MED13: variants seen among roughly 807,000 people sequenced by gnomAD.
The protein encoded by MED13 is mediator complex subunit 13.
A neutral mutation model predicts 225.2 loss-of-function variants in MED13; 23 were observed. The observed-to-expected ratio is 0.10, with a 90% CI of 0.07 to 0.14. The LOEUF (loss-of-function observed/expected upper bound fraction) is 0.14. MED13 is among the 10% of genes least tolerant of loss of function. The probability of loss-of-function intolerance (pLI) is 1.00; values close to 1 mark genes in which losing one functional copy is unlikely to be tolerated. For missense variants in MED13, 2,197 were observed against 2,594.5 expected (o/e 0.85, Z 3.33); for synonymous variants, 942 against 889.2 (o/e 1.06, Z -1.06).
rs749776983 is a variant in MED13 at position 61,995,202 on chromosome 17, C to T, written c.2131G>A (p.Asp711Asn). 1 of 1,613,396 alleles carries T rather than the reference C, an allele frequency of 6.2e-7. No individual in the cohort carries two copies. The highest frequency in any genetic ancestry group is 1.7e-5 in the Admixed American group (1 of 59,960). The change falls in exon 10 of 30, where the codon GAT (aspartate) becomes AAT (asparagine). Residue 711 changes from aspartate to asparagine, a missense_variant. Asp to Asn is a conservative substitution (Grantham distance 23). This residue lies in a region of MED13 where 884 missense variants were observed against 918.5 expected (regional missense o/e 0.96). Transcript: ENST00000397786. The stretch of plus-strand genomic sequence containing the variant: ...TCACTATTTTGTCTATCTTTTTTAT[C>T]AGGAAAAAGGAATTCCTCATCTCCT... ...VEGDEEFLFP[D>N]KKDRQNSERE...
intron 12 of MED13, among the ~76,000 whole-genome samples, chr17:61,986,538 T>A (rs984666509): frequency 3.9e-5 from 6 of 152,212 alleles, no homozygotes; most frequent in African/African-American, 1.4e-4. Context: ...TTTATTGTTA[T>A]ATCATGTATC....
intron 3 of MED13, among the ~76,000 whole-genome samples, chr17:62,038,938 G>C (rs1241871731): frequency 6.6e-6 from 1 of 152,068 alleles, no homozygotes; most frequent in East Asian, 1.9e-4. Flanking sequence ...GCCTCCCAAA[G>C]TGCTGAGATT....
chr17:62,016,666 A>C (rs985561923), intron 8 of MED13, among the ~76,000 whole-genome samples: 2 of 152,358 alleles, frequency 1.3e-5, no homozygotes, highest in East Asian at 3.9e-4. Context: ...CTAATGTTTC[A>C]TCACAATTAC....
chr17:61,946,447 C>G lies in MED13; in HGVS notation c.*21G>C. The G allele has an allele frequency of 6.2e-7, 1 of 1,609,452 alleles. No individual in the cohort carries two copies. On this transcript the variant is annotated 3_prime_UTR_variant, in exon 30 of 30. Transcript: ENST00000397786. ...TCCATTTTTCCTTGTTCTTTTCTTG[C>G]ACAGTTCCATCAAATGAAGATCACA...
At chr17:61,990,617 G>A (rs2080288304) in intron 11 of MED13, among the ~76,000 whole-genome samples, 1 of 118,044 alleles carries the variant, frequency 8.5e-6, no homozygotes, top group Admixed American at 9.0e-5. Context: ...ACACACACTT[G>A]GCGCACTGTG....
At chr17:61,990,894 G>C (rs758863797) in intron 11 of MED13, among the ~76,000 whole-genome samples, 13 of 152,004 alleles carry the variant, frequency 8.6e-5, no homozygotes, top group Non-Finnish European at 1.8e-4. Context: ...TGTTGAATTA[G>C]TGGCCTCAGA....
At chr17:61,994,714 C>CT (rs1383303901) in intron 10 of MED13, among the ~76,000 whole-genome samples, 3 of 152,132 alleles carry the variant, frequency 2.0e-5, no homozygotes, top group Admixed American at 6.6e-5. Context: ...ATACATTTTT[C>CT]TTTTTTTCTT....
At chr17:62,044,868 G>C (rs1287613246) in intron 3 of MED13, among the ~76,000 whole-genome samples, 2 of 152,164 alleles carry the variant, frequency 1.3e-5, no homozygotes, top group East Asian at 3.9e-4. Context: ...CACCATGTTG[G>C]CCAGGCTAGT....
chr17:61,959,789 T>C (rs7218545), intron 23 of MED13, among the ~76,000 whole-genome samples: 53,996 of 148,378 alleles, frequency 0.36, 11,898 homozygotes, highest in East Asian at 0.72. Context: ...AGTGCAGTGG[T>C]GCAATCTCAG....
At chr17:62,061,546 C>G (rs1173428579) in intron 2 of MED13, among the ~76,000 whole-genome samples, 3 of 152,064 alleles carry the variant, frequency 2.0e-5, no homozygotes, top group Non-Finnish European at 4.4e-5. Flanking sequence ...TATGTTTTAT[C>G]AACAAATATA....
chr17:61,956,487 G>A lies in MED13; in HGVS notation c.5481-6C>T, dbSNP rs2079945766. ...AACTTTTTTTCCGACGAGCCCTATT[G>A]TGTGAATAAAGAGAGTGTCATAAAT... On this transcript the variant is annotated splice_region_variant and splice_polypyrimidine_tract_variant and intron_variant, in intron 23 of 29. Coordinates refer to ENST00000397786, the MANE Select transcript of MED13 (RefSeq NM_005121.3). 2 of 1,599,264 alleles carry A rather than the reference G, an allele frequency of 1.3e-6. No individual in the cohort carries two copies. The highest frequency in any genetic ancestry group is 1.1e-5 in the South Asian group (1 of 87,610).
intron 9 of MED13, among the ~76,000 whole-genome samples, chr17:62,007,752 G>A (rs1201748394): frequency 6.6e-6 from 1 of 152,014 alleles, no homozygotes; most frequent in Non-Finnish European, 1.5e-5. Context: ...GGAGGCTGAG[G>A]CAGGAAAATG....
At chr17:62,002,437 C>T (rs1273142078) in intron 9 of MED13, among the ~76,000 whole-genome samples, 3 of 140,288 alleles carry the variant, frequency 2.1e-5, no homozygotes, top group Non-Finnish European at 3.0e-5. Flanking sequence ...TGCAGTGAGC[C>T]GAGATTGCGC....
intron 9 of MED13, among the ~76,000 whole-genome samples, chr17:62,001,775 A>T (rs561070781): frequency 6.6e-6 from 1 of 152,198 alleles, no homozygotes; most frequent in Non-Finnish European, 1.5e-5. Flanking sequence ...TTAGACTACA[A>T]TTTCATTTAT....
In MED13 at chr17:62,020,037, C is replaced by T. The variant is rs867234613; in HGVS notation, c.1284-8804G>A. 3.3e-5 allele frequency among the ~76,000 whole-genome samples: 5 copies of T among 152,122 alleles called. No individual in the cohort carries two copies. The East Asian group carries it at 9.6e-4, about 29-fold the overall frequency. On this transcript the variant is annotated intron_variant, in intron 8 of 29. Coordinates refer to ENST00000397786, the MANE Select transcript of MED13 (RefSeq NM_005121.3). ...GGGATTACAGGTGTGAACCACTGCG[C>T]AAGGCCAAACAACTGAACTTCATGC...
intron 17 of MED13, among the ~76,000 whole-genome samples, chr17:61,970,626 G>C (rs1266481432): frequency 7.3e-6 from 1 of 136,512 alleles, no homozygotes; most frequent in Non-Finnish European, 1.5e-5. Flanking sequence ...AGGGTGCAGT[G>C]AGCTAAGATC....
rs954627542 is a variant in MED13 at position 62,025,726 on chromosome 17, C to T, written c.1283+3815G>A. On this transcript the variant is annotated intron_variant, in intron 8 of 29. Coordinates refer to ENST00000397786, the MANE Select transcript of MED13 (RefSeq NM_005121.3). ...AAAACAGGCAGTGGGCCAAATATGG[C>T]GAATTCATCACTGTTTGCTGACCCC... 5.9e-5 allele frequency among the ~76,000 whole-genome samples: 9 copies of T among 152,280 alleles called. No individual in the cohort carries two copies. The South Asian group carries it at 8.3e-4, about 14-fold the overall frequency.
At chr17:62,056,722 T>C (rs537082064) in intron 2 of MED13, among the ~76,000 whole-genome samples, 112 of 152,146 alleles carry the variant, frequency 7.4e-4, no homozygotes, top group Non-Finnish European at 1.3e-3. Flanking sequence ...GATTAAGCAC[T>C]GCAGGCTGAG....
Position 61,979,606 on chromosome 17 carries a change from T to C in MED13, c.3805+2592A>G, listed in dbSNP as rs1228266989. ...TACAGCCATAAGCCATATCTGTCAA[T>C]TAAAAAAAATTCCTTTCTATAGGAT... is the stretch of plus-strand genomic sequence containing the variant. On this transcript the variant is annotated intron_variant, in intron 16 of 29. Coordinates refer to ENST00000397786, the MANE Select transcript of MED13 (RefSeq NM_005121.3). Among the ~76,000 whole-genome samples the C allele has an allele frequency of 4.6e-5, 7 of 152,022 alleles. No homozygotes were observed. In the East Asian group the frequency reaches 7.7e-4, roughly 17 times the overall value.
Sources: allele counts gnomAD v4.1 joint callset (sites outside exome capture counted in the v4.1 genomes callset), GRCh38; gene constraint gnomAD v4.1.1; regional missense constraint gnomAD v4.1.1; transcripts MANE v1.5; gene names NCBI Gene and HGNC (gene_info 2026-07-23, HGNC 2026-07-21).